OTOR: variants seen among roughly 807,000 people sequenced by gnomAD.
The protein encoded by OTOR is fibrocyte-derived protein.
OTOR carries 20 observed loss-of-function variants against 15.9 expected under a neutral mutation model. That is an observed-to-expected ratio of 1.26 (90% CI 0.89 to 1.83). OTOR has a LOEUF of 1.83. Ranked by LOEUF, OTOR falls within the 40% of genes most tolerant of loss-of-function variation. The pLI, the probability that OTOR is intolerant of heterozygous loss-of-function variation, is 0.00. For missense variants in OTOR, 184 were observed against 159.0 expected (o/e 1.16, Z -0.85); for synonymous variants, 53 against 54.2 (o/e 0.98, Z 0.09).
In OTOR at chr20:16,751,029, A is replaced by C. The variant is rs536167142; in HGVS notation, c.364-66A>C. On this transcript the variant is annotated intron_variant, in intron 3 of 3. Coordinates refer to ENST00000246081, the MANE Select transcript of OTOR (RefSeq NM_020157.4). ...GATTAGATATGACTTTAAATACAGAATCTACATCTGTTTTTTTAGCCTAGG... is the reference window on the plus strand; with the variant it reads ...GATTAGATATGACTTTAAATACAGACTCTACATCTGTTTTTTTAGCCTAGG... The C allele has an allele frequency of 8.2e-6, 10 of 1,213,154 alleles. No individual in the cohort carries two copies. The African/African-American group carries it at 1.4e-4, about 17-fold the overall frequency. 75.1% of individuals were successfully genotyped at this position (1,213,154 alleles called of 1,614,324 possible).
At chr20:16,750,748 T>G (rs889329702) in intron 3 of OTOR, among the ~76,000 whole-genome samples, 16 of 152,180 alleles carry the variant, frequency 1.1e-4, no homozygotes, top group Admixed American at 1.0e-3. Flanking sequence ...AAAAGATGCT[T>G]TCTGAGCTAC....
rs1204097576 is a variant in OTOR, at chr20:16,751,792, T to C, written c.*674T>C. ...TCTCCCCCAATTTTAAAGAAGTATG[T>C]GTATATTTAATAGGGGAAGGTAGTT... On this transcript the variant is annotated 3_prime_UTR_variant, in exon 4 of 4. Transcript: ENST00000246081. 6.6e-6 allele frequency: 1 copy of C among 152,124 alleles called. No homozygotes were observed. The highest frequency in any genetic ancestry group is 1.5e-5 in the Non-Finnish European group (1 of 68,026). 9.4% of individuals were successfully genotyped at this position (152,124 alleles called of 1,614,324 possible). A position where few individuals can be genotyped will look rare whatever the true frequency, so the allele number is the denominator to read the frequency against.
At chr20:16,748,590 C>T (rs2072507571) in intron 1 of OTOR, 74 bp downstream of exon 1, 5 of 924,440 alleles carry the variant, frequency 5.4e-6, no homozygotes, top group East Asian at 4.8e-5. Flanking sequence ...AGCATAAAAT[C>T]GAATTATACT....
chr20:16,751,160 TAAAG>T lies in OTOR; in HGVS notation c.*46_*49del, dbSNP rs1352093578. On this transcript the variant is annotated 3_prime_UTR_variant, in exon 4 of 4. Coordinates refer to ENST00000246081, the MANE Select transcript of OTOR (RefSeq NM_020157.4). Reference sequence around the variant, plus strand: ...GCAAATAGAAAGAAAACACCAAAAATAAAGAAAAGAGCAAAAGTGGCCAAAAAAT... The same window carrying T: ...GCAAATAGAAAGAAAACACCAAAAATAAAAGAGCAAAAGTGGCCAAAAAAT... 2 of 1,421,724 alleles carry T rather than the reference TAAAG, an allele frequency of 1.4e-6. No individual in the cohort carries two copies. Among genetic ancestry groups the T allele is most frequent in the Admixed American group, 2.4e-5 (1 of 40,964 alleles). The allele number at this position is 1,421,724 out of a possible 1,614,324, so 88.1% of individuals were successfully genotyped here. A position where few individuals can be genotyped will look rare whatever the true frequency, so the allele number is the denominator to read the frequency against.
rs1446386894 is a variant in OTOR at position 16,748,449 on chromosome 20, T to A, written c.48T>A (p.Cys16Ter). The A allele has an allele frequency of 6.2e-7, 1 of 1,613,860 alleles. No individual in the cohort carries two copies. The highest frequency in any genetic ancestry group is 2.2e-5 in the East Asian group (1 of 44,878). The change falls in exon 1 of 4, where the codon TGT becomes TGA. Residue 16 changes from cysteine (C) to a stop codon, truncating the protein, a stop_gained. Coordinates refer to ENST00000246081, the MANE Select transcript of OTOR (RefSeq NM_020157.4). LOFTEE classifies it high-confidence loss of function. ...LLFLPGLVAVCAVHGIFMDRL... is the reference protein window; with the variant it reads ...LLFLPGLVAV ...TCCTCCCGGGTCTTGTGGCTGTATG[T>A]GCTGTGCATGGAATATTTATGGACC...
intron 2 of OTOR, 30 bp downstream of exon 2, chr20:16,749,036 T>C (rs1236157771): frequency 2.0e-6 from 3 of 1,530,858 alleles, no homozygotes; most frequent in African/African-American, 2.8e-5. Flanking sequence ...TATTGACGAA[T>C]ATTGCTCTTA....
At chr20:16,748,736 GGA>G in intron 1 of OTOR, 129 bp from the exon 2 acceptor site, 1 of 769,962 alleles carries the variant, frequency 1.3e-6, no homozygotes, top group Non-Finnish European at 2.0e-6. Context: ...TCTTTCTCTT[GGA>G]TAGACACCAG....
chr20:16,749,077 T>C (rs1020953807), intron 2 of OTOR, 71 bp downstream of exon 2: 1 of 1,131,998 alleles, frequency 8.8e-7, no homozygotes, highest in East Asian at 2.6e-5. Context: ...CTTCAACCTA[T>C]TTTAATGCTT....
In OTOR at chr20:16,751,278, A is replaced by G; in HGVS notation, c.*160A>G. 3 of 578,864 alleles carry G rather than the reference A, an allele frequency of 5.2e-6. No individual in the cohort carries two copies. Among genetic ancestry groups the G allele is most frequent in the Admixed American group, 7.4e-5 (2 of 26,938 alleles). The allele number at this position is 578,864 out of a possible 1,614,324, so 35.9% of individuals were successfully genotyped here. The stretch of plus-strand genomic sequence containing the variant: ...AGGGGTTGGAGGTGGCAGATAAAAG[A>G]GGATTTTCAACTCAAATCTTGTTTC... On this transcript the variant is annotated 3_prime_UTR_variant, in exon 4 of 4. Transcript: ENST00000246081.
At position 16,751,241 on chromosome 20, in the gene OTOR, G is replaced by C; in HGVS notation, c.*123G>C. On this transcript the variant is annotated 3_prime_UTR_variant, in exon 4 of 4. Transcript: ENST00000246081. ...TTTAAGAATTTGTTACCTTACAGAA[G>C]AGCAAGGGCTTAGGGGTTGGAGGTG... 1.5e-6 allele frequency: 1 copy of C among 685,770 alleles called. No homozygotes were observed. Among genetic ancestry groups the C allele is most frequent in the South Asian group, 1.9e-5 (1 of 51,338 alleles). The allele number at this position is 685,770 out of a possible 1,614,324, so 42.5% of individuals were successfully genotyped here.
At chr20:16,749,059 T>C in intron 2 of OTOR, 53 bp downstream of exon 2, 1 of 1,326,790 alleles carries the variant, frequency 7.5e-7, no homozygotes, top group Non-Finnish European at 1.0e-6. Flanking sequence ...CTTTCCTTGA[T>C]TACCTACCTT....
intron 2 of OTOR, chr20:16,749,312 G>C (rs191113619): frequency 6.9e-5 from 15 of 216,564 alleles, no homozygotes; most frequent in African/African-American, 2.7e-4. Flanking sequence ...CAAGTAGAAG[G>C]CATGTGTGTT....
At chr20:16,749,679 A>G in intron 2 of OTOR, 1 of 493,342 alleles carries the variant, frequency 2.0e-6, no homozygotes, top group Non-Finnish European at 3.6e-6. Flanking sequence ...ATGCTAAAGT[A>G]GCGAAATAAG....
In OTOR at chr20:16,749,121, A is replaced by G. The variant is rs2072512340; in HGVS notation, c.255+115A>G. The G allele has an allele frequency of 4.7e-6, 3 of 644,904 alleles. No individual in the cohort carries two copies. The South Asian group carries it at 1.7e-4, about 37-fold the overall frequency. 39.9% of individuals were successfully genotyped at this position (644,904 alleles called of 1,614,324 possible). ...TTGTTAAGAACCATGTAGTGATTGTAGATGGAAATGCAAAAATTCAGGTAT... is the reference window on the plus strand; with the variant it reads ...TTGTTAAGAACCATGTAGTGATTGTGGATGGAAATGCAAAAATTCAGGTAT... On this transcript the variant is annotated intron_variant, in intron 2 of 3. Transcript: ENST00000246081.
chr20:16,751,085 T>G lies in OTOR; in HGVS notation c.364-10T>G, dbSNP rs773429331. On this transcript the variant is annotated splice_polypyrimidine_tract_variant and intron_variant, in intron 3 of 3. Coordinates refer to ENST00000246081, the MANE Select transcript of OTOR (RefSeq NM_020157.4). ...TCGTTCAATCTTTTTTTGTTTTTGTTTTTTTCCAGGATATTGACTTCTTCT... is the reference window on the plus strand; with the variant it reads ...TCGTTCAATCTTTTTTTGTTTTTGTGTTTTTCCAGGATATTGACTTCTTCT... 2 of 1,538,208 alleles carry G rather than the reference T, an allele frequency of 1.3e-6. No individual in the cohort carries two copies. Among genetic ancestry groups the G allele is most frequent in the African/African-American group, 2.8e-5 (2 of 72,052 alleles).
At chr20:16,750,770 C>A (rs562478826) in intron 3 of OTOR, among the ~76,000 whole-genome samples, 46 of 152,282 alleles carry the variant, frequency 3.0e-4, no homozygotes, top group African/African-American at 1.1e-3. Context: ...TTGCAAGGTG[C>A]TTGTTTTGAA....
chr20:16,748,756 C>A, intron 1 of OTOR, 111 bp from the exon 2 acceptor site: 1 of 849,128 alleles, frequency 1.2e-6, no homozygotes, highest in Non-Finnish European at 1.7e-6. Context: ...CAGCTATGAA[C>A]TGGGAATTAT....
chr20:16,749,078 T>G (rs971412131), intron 2 of OTOR, 72 bp downstream of exon 2: 70 of 1,136,918 alleles, frequency 6.2e-5, no homozygotes, highest in Non-Finnish European at 8.4e-5. Flanking sequence ...TTCAACCTAT[T>G]TTAATGCTTA....
chr20:16,751,035 A>G (rs1457118445), intron 3 of OTOR, 60 bp from the exon 4 acceptor site: 6 of 1,258,750 alleles, frequency 4.8e-6, no homozygotes, highest in Admixed American at 2.6e-5. Context: ...CAGAATCTAC[A>G]TCTGTTTTTT....
Sources: allele counts gnomAD v4.1 joint callset (sites outside exome capture counted in the v4.1 genomes callset), GRCh38; gene constraint gnomAD v4.1.1; transcripts MANE v1.5; gene names NCBI Gene and HGNC (gene_info 2026-07-23, HGNC 2026-07-21).